Variants in UPF2 observed in about 807,000 individuals in gnomAD.
UPF2 encodes the protein regulator of nonsense transcripts 2.
A neutral mutation model predicts 141.4 loss-of-function variants in UPF2; 17 were observed. The observed-to-expected ratio is 0.12, with a 90% CI of 0.08 to 0.18. UPF2 has a LOEUF of 0.18. Ranked by LOEUF, UPF2 falls within the 10% of genes least tolerant of loss-of-function variation. The probability of loss-of-function intolerance (pLI) is 1.00; values close to 1 mark genes in which losing one functional copy is unlikely to be tolerated. For missense variants in UPF2, 1,152 were observed against 1,515.9 expected, an observed-to-expected ratio of 0.76 and a Z score of 3.99; for synonymous variants, 540 against 498.0, an observed-to-expected ratio of 1.08 and a Z score of -1.12.
intron 8 of UPF2, among the ~76,000 whole-genome samples, chr10:11,984,967 C>T (rs947090077): frequency 6.6e-6 from 1 of 152,202 alleles, no homozygotes; most frequent in African/African-American, 2.4e-5. Flanking sequence ...CCCGCCTCGG[C>T]CTCCCACAGT....
chr10:12,027,830 C>T (rs886685395), intron 3 of UPF2, among the ~76,000 whole-genome samples: 3 of 152,192 alleles, frequency 2.0e-5, no homozygotes, highest in African/African-American at 7.2e-5. Context: ...TCCCCTACCA[C>T]AGACTTATGA....
Position 11,940,086 on chromosome 10 carries a change from C to G in UPF2, c.3378+2579G>C, listed in dbSNP as rs1016478993. 1.3e-5 allele frequency among the ~76,000 whole-genome samples: 2 copies of G among 152,134 alleles called. No homozygotes were observed. Among genetic ancestry groups the G allele is most frequent in the African/African-American group, 2.4e-5 (1 of 41,416 alleles). On this transcript the variant is annotated intron_variant, in intron 18 of 21. Coordinates refer to ENST00000357604, the MANE Select transcript of UPF2 (RefSeq NM_015542.4). This position sits in a 1 kb window ranked among gnomAD's most constrained non-coding sequence, Gnocchi z 4.2. ...ACATTCTCATCAAAACAAAGAGACT[C>G]TGTACAGTTGTTCAGTATTTTGATA...
At chr10:11,934,203 C>A (rs543007044) in intron 19 of UPF2, among the ~76,000 whole-genome samples, 1 of 152,274 alleles carries the variant, frequency 6.6e-6, no homozygotes, top group East Asian at 1.9e-4. Flanking sequence ...CCTAGAAAAG[C>A]AAAAATGCTG....
chr10:11,974,514 T>C (rs1008567884), intron 9 of UPF2, among the ~76,000 whole-genome samples: 2 of 152,190 alleles, frequency 1.3e-5, no homozygotes, highest in Admixed American at 6.5e-5. Context: ...GGCTGTGGGT[T>C]TGTCATAAAT....
chr10:11,938,853 G>GTTTTTTTTTTTTTTTTTTTTTTTT lies in UPF2; in HGVS notation c.3379-2165_3379-2142dup, dbSNP rs58106776. Among the ~76,000 whole-genome samples, 105 of 79,816 alleles carry GTTTTTTTTTTTTTTTTTTTTTTTT rather than the reference G, an allele frequency of 1.3e-3. 6 individuals are homozygous for GTTTTTTTTTTTTTTTTTTTTTTTT. The highest frequency in any genetic ancestry group is 1.8e-3 in the Non-Finnish European group (76 of 42,768). 52.4% of individuals were successfully genotyped at this position (79,816 alleles called of 152,430 possible). On this transcript the variant is annotated intron_variant, in intron 18 of 21. Transcript: ENST00000357604. ...GTGGTCTTAAGCAAGTTTTTTTTTT[G>GTTTTTTTTTTTTTTTTTTTTTTTT]TTTTTTTTTTTTTTTTTTTTTTTTT...
chr10:11,998,189 G>C lies in UPF2; in HGVS notation c.1759-432C>G, dbSNP rs1393292109. Among the ~76,000 whole-genome samples, 1 of 152,094 alleles carries C rather than the reference G, an allele frequency of 6.6e-6. No individual in the cohort carries two copies. The highest frequency in any genetic ancestry group is 1.5e-5 in the Non-Finnish European group (1 of 68,024). Reference sequence around the variant, plus strand: ...TTGAACTAAGAAAACTGGAAAGCCTGATAAGCGGCCTCAGTGAAGGTCTCT... The same window carrying C: ...TTGAACTAAGAAAACTGGAAAGCCTCATAAGCGGCCTCAGTGAAGGTCTCT... On this transcript the variant is annotated intron_variant, in intron 7 of 21. Transcript: ENST00000357604. This position sits in a 1 kb window ranked among gnomAD's most constrained non-coding sequence, Gnocchi z 4.5.
intron 4 of UPF2, among the ~76,000 whole-genome samples, chr10:12,008,802 C>T (rs1440845671): frequency 6.6e-6 from 1 of 151,886 alleles, no homozygotes; most frequent in Non-Finnish European, 1.5e-5. Flanking sequence ...GTTTTAAGTC[C>T]CGCATGCATT....
At chr10:11,946,611 T>C (rs1385911148) in intron 16 of UPF2, among the ~76,000 whole-genome samples, 2 of 152,228 alleles carry the variant, frequency 1.3e-5, no homozygotes, top group Admixed American at 6.5e-5. Context: ...TTTAATTTCA[T>C]CAGTATTCTA....
At chr10:12,031,169 A>G (rs4750153) in intron 2 of UPF2, among the ~76,000 whole-genome samples, 83,165 of 138,114 alleles carry the variant, frequency 0.6, 26,255 homozygotes, top group East Asian at 0.86. Flanking sequence ...GCAAGACTCC[A>G]TCTCAAAAAA....
chr10:11,983,981 T>C (rs544356219), intron 8 of UPF2, among the ~76,000 whole-genome samples: 1 of 152,124 alleles, frequency 6.6e-6, no homozygotes, highest in East Asian at 1.9e-4. Flanking sequence ...TGGAGTGCAA[T>C]GGCGCGATCT....
At position 12,029,650 on chromosome 10, in the gene UPF2, G is replaced by A. The variant is rs184477165; in HGVS notation, c.366-126C>T. 77 of 1,075,700 alleles carry A rather than the reference G, an allele frequency of 7.2e-5. 1 individual carries two copies. The highest frequency in any genetic ancestry group is 1.8e-4 in the Admixed American group (6 of 32,434). 66.6% of individuals were successfully genotyped at this position (1,075,700 alleles called of 1,614,324 possible). ...TATAACAATCTACAAGATTCAAAAG[G>A]CCTTTCACTACTTTTAAAGACATTT... On this transcript the variant is annotated intron_variant, in intron 2 of 21. Transcript: ENST00000357604.
intron 9 of UPF2, among the ~76,000 whole-genome samples, chr10:11,971,182 G>T (rs1337824667): frequency 6.6e-6 from 1 of 151,556 alleles, no homozygotes; most frequent in Admixed American, 6.6e-5. Flanking sequence ...AACTGAAGGC[G>T]TTTTAAAAGG....
intron 8 of UPF2, among the ~76,000 whole-genome samples, chr10:11,983,441 C>T (rs530762997): frequency 2.0e-5 from 3 of 152,214 alleles, no homozygotes; most frequent in Non-Finnish European, 2.9e-5. Flanking sequence ...GGCATGATCT[C>T]GGCTCACTGC....
rs1474468982 is a variant in UPF2, at chr10:12,014,597, G to A, written c.1146-413C>T. ...TCTTAAACCTCCATGATTTGAATCA[G>A]AAATATCATATTTAACAATATATCA... On this transcript the variant is annotated intron_variant, in intron 3 of 21. Coordinates refer to ENST00000357604, the MANE Select transcript of UPF2 (RefSeq NM_015542.4). This position sits in a 1 kb window ranked among gnomAD's most constrained non-coding sequence, Gnocchi z 5.0. 3.3e-5 allele frequency among the ~76,000 whole-genome samples: 5 copies of A among 152,042 alleles called. No homozygotes were observed. The highest frequency in any genetic ancestry group is 1.2e-4 in the African/African-American group (5 of 41,394).
intron 15 of UPF2, among the ~76,000 whole-genome samples, chr10:11,950,436 C>T (rs1462898496): frequency 1.3e-5 from 2 of 152,172 alleles, no homozygotes; most frequent in African/African-American, 2.4e-5. Flanking sequence ...TGGGAGTGCA[C>T]TGATTGCGGC....
At chr10:11,993,778 A>G (rs551721188) in intron 8 of UPF2, among the ~76,000 whole-genome samples, 28 of 152,234 alleles carry the variant, frequency 1.8e-4, no homozygotes, top group African/African-American at 6.0e-4. Flanking sequence ...GTTCAAGACT[A>G]GCCTGGTCAA....
chr10:12,041,931 G>C (rs944913101), intron 1 of UPF2, among the ~76,000 whole-genome samples: 1 of 152,158 alleles, frequency 6.6e-6, no homozygotes, highest in Non-Finnish European at 1.5e-5. Flanking sequence ...GATCACCCCA[G>C]CGTGGACCCA....
At chr10:11,967,296 C>A in intron 10 of UPF2, 45 bp downstream of exon 10, 2 of 1,152,292 alleles carry the variant, frequency 1.7e-6, no homozygotes, top group South Asian at 1.7e-5. Context: ...ATAATTAAAA[C>A]TTTAAACTTT....
intron 11 of UPF2, among the ~76,000 whole-genome samples, chr10:11,962,302 T>G (rs1014117126): frequency 6.6e-6 from 1 of 152,150 alleles, no homozygotes; most frequent in Non-Finnish European, 1.5e-5. Flanking sequence ...TTTTAGATGA[T>G]CCCATAAGCA....
Sources: allele counts gnomAD v4.1 joint callset (sites outside exome capture counted in the v4.1 genomes callset), GRCh38; gene constraint gnomAD v4.1.1; non-coding constraint Gnocchi (gnomAD v3.1); transcripts MANE v1.5; gene names NCBI Gene and HGNC (gene_info 2026-07-23, HGNC 2026-07-21).